Variants in ZSWIM6 observed in about 807,000 individuals in gnomAD.
ZSWIM6 encodes zinc finger SWIM domain-containing protein 6.
Under a neutral mutation model 113.2 loss-of-function variants are expected in ZSWIM6, and 9 were observed. That is an observed-to-expected ratio of 0.08 (90% CI 0.05 to 0.14). The LOEUF is 0.14. ZSWIM6 is among the 10% of genes least tolerant of loss of function. The pLI is 1.00. For synonymous variants in ZSWIM6, 611 were observed against 606.5 expected (o/e 1.01, Z -0.11); for missense variants, 1,162 against 1,552.2 (o/e 0.75, Z 4.22).
At chr5:61,366,809 G>A (rs1745163638) in intron 1 of ZSWIM6, among the ~76,000 whole-genome samples, 1 of 151,984 alleles carries the variant, frequency 6.6e-6, no homozygotes. Flanking sequence ...CACACCTGTA[G>A]TCCCAGCTAC....
intron 1 of ZSWIM6, among the ~76,000 whole-genome samples, chr5:61,392,971 T>C (rs920609862): frequency 1.3e-5 from 2 of 152,058 alleles, no homozygotes; most frequent in Non-Finnish European, 2.9e-5. Flanking sequence ...ATGAATATGA[T>C]CTAAAATGGC....
chr5:61,442,169 C>G (rs928303194), intron 1 of ZSWIM6, among the ~76,000 whole-genome samples: 1 of 152,050 alleles, frequency 6.6e-6, no homozygotes, highest in African/African-American at 2.4e-5. Context: ...GTTTCAGTTC[C>G]TTGAGACTGT....
chr5:61,469,401 G>C (rs1747513448), intron 1 of ZSWIM6, among the ~76,000 whole-genome samples: 1 of 152,186 alleles, frequency 6.6e-6, no homozygotes, highest in South Asian at 2.1e-4. Flanking sequence ...GATGATCTCA[G>C]AATAATGAGT....
At chr5:61,515,849 C>T (rs1748919983) in intron 4 of ZSWIM6, among the ~76,000 whole-genome samples, 1 of 152,084 alleles carries the variant, frequency 6.6e-6, no homozygotes, top group Admixed American at 6.6e-5. Context: ...TTGTGAGGTG[C>T]AGCCGAGTCA....
At chr5:61,344,714 A>C (rs1310351749) in intron 1 of ZSWIM6, among the ~76,000 whole-genome samples, 1 of 152,218 alleles carries the variant, frequency 6.6e-6, no homozygotes, top group South Asian at 2.1e-4. Context: ...TATGTGTTAC[A>C]GCTGCTGCTT....
intron 7 of ZSWIM6, among the ~76,000 whole-genome samples, chr5:61,529,162 G>A (rs1248606779): frequency 2.6e-5 from 4 of 152,096 alleles, no homozygotes; most frequent in South Asian, 2.1e-4. Context: ...AGCCAAGATC[G>A]CACCATTGCA....
At chr5:61,484,148 T>G (rs1402241124) in intron 2 of ZSWIM6, among the ~76,000 whole-genome samples, 1 of 152,158 alleles carries the variant, frequency 6.6e-6, no homozygotes, top group Non-Finnish European at 1.5e-5. Context: ...AATATTTGGC[T>G]ATTTCTGTGG....
chr5:61,478,156 G>A (rs751006094), intron 2 of ZSWIM6, among the ~76,000 whole-genome samples: 14 of 152,126 alleles, frequency 9.2e-5, no homozygotes, highest in Non-Finnish European at 1.9e-4. Context: ...GTAAAACAAA[G>A]GTAGGGTCTC....
chr5:61,406,745 C>CTCTG (rs1746050932), intron 1 of ZSWIM6, among the ~76,000 whole-genome samples: 1 of 146,966 alleles, frequency 6.8e-6, no homozygotes, highest in Non-Finnish European at 1.5e-5. Context: ...CAGAGTCTTG[C>CTCTG]TCTGTCACCC....
chr5:61,541,791 GTATGCCTTA>G, intron 12 of ZSWIM6, 84 bp from the exon 13 acceptor site: 1 of 945,566 alleles, frequency 1.1e-6, no homozygotes, highest in Non-Finnish European at 1.6e-6. Context: ...TAGACAGTAG[GTATGCCTTA>G]TATGCCTTAT....
chr5:61,470,555 C>T (rs578084443), intron 1 of ZSWIM6, among the ~76,000 whole-genome samples: 121 of 152,206 alleles, frequency 7.9e-4, no homozygotes, highest in Non-Finnish European at 1.4e-3. Flanking sequence ...ACTTTTTCTT[C>T]ATCGGAACAT....
chr5:61,339,697 T>C (rs949784861), intron 1 of ZSWIM6, among the ~76,000 whole-genome samples: 3 of 152,082 alleles, frequency 2.0e-5, no homozygotes, highest in African/African-American at 7.2e-5. Flanking sequence ...ACAAAGCGGG[T>C]TATAGGCAGG....
chr5:61,497,219 A>ATCAGATTG (rs1243696032), intron 4 of ZSWIM6, among the ~76,000 whole-genome samples: 1 of 152,136 alleles, frequency 6.6e-6, no homozygotes, highest in African/African-American at 2.4e-5. Flanking sequence ...ATTTGGAGCC[A>ATCAGATTG]TCAGATTGTC....
At chr5:61,506,799 T>C (rs1438058084) in intron 4 of ZSWIM6, among the ~76,000 whole-genome samples, 1 of 152,114 alleles carries the variant, frequency 6.6e-6, no homozygotes, top group Non-Finnish European at 1.5e-5. Flanking sequence ...AATTAGTTAA[T>C]TGGATCATGC....
At chr5:61,355,496 A>T (rs1033369938) in intron 1 of ZSWIM6, among the ~76,000 whole-genome samples, 5 of 139,060 alleles carry the variant, frequency 3.6e-5, no homozygotes, top group African/African-American at 5.3e-5. Context: ...ACACACACAC[A>T]CTATTAGATG....
At chr5:61,349,234 C>CT (rs1744734128) in intron 1 of ZSWIM6, among the ~76,000 whole-genome samples, 3 of 151,840 alleles carry the variant, frequency 2.0e-5, no homozygotes, top group Admixed American at 6.6e-5. Context: ...AATACAAAGT[C>CT]TTTTTTTGGA....
intron 1 of ZSWIM6, among the ~76,000 whole-genome samples, chr5:61,335,053 T>A (rs182447021): frequency 2.0e-5 from 3 of 152,370 alleles, no homozygotes; most frequent in Non-Finnish European, 4.4e-5. Context: ...AAAGAGGCAA[T>A]CTTCTCTAGG....
chr5:61,347,991 G>A (rs923529279), intron 1 of ZSWIM6, among the ~76,000 whole-genome samples: 4 of 152,210 alleles, frequency 2.6e-5, no homozygotes, highest in Non-Finnish European at 4.4e-5. Context: ...GGAGGCTGAG[G>A]CGGGTGGATC....
At chr5:61,532,645 A>G (rs1403440814) in intron 9 of ZSWIM6, among the ~76,000 whole-genome samples, 2 of 152,218 alleles carry the variant, frequency 1.3e-5, no homozygotes, top group Non-Finnish European at 2.9e-5. Context: ...TTCTTCAAAC[A>G]TACTTTACTT....
Sources: allele counts gnomAD v4.1 joint callset (sites outside exome capture counted in the v4.1 genomes callset), GRCh38; gene constraint gnomAD v4.1.1; transcripts MANE v1.5; gene names NCBI Gene and HGNC (gene_info 2026-07-23, HGNC 2026-07-21).